The following FAM114A2 variants were observed in gnomAD, a reference collection of about 807,000 sequenced individuals.
The protein encoded by FAM114A2 is family with sequence similarity 114 member A2.
FAM114A2 carries 53 observed loss-of-function variants against 58.4 expected under a neutral mutation model. The observed-to-expected ratio is 0.91, with a 90% CI of 0.73 to 1.14. FAM114A2 has a LOEUF of 1.14. Among genes scored for constraint, FAM114A2 ranks in the 50% most tolerant of loss-of-function variants. FAM114A2 has a pLI of 0.00. For missense variants in FAM114A2, 601 were observed against 581.1 expected (o/e 1.03, Z -0.35); for synonymous variants, 228 against 211.4 (o/e 1.08, Z -0.68).
chr5:153,993,071 G>A lies in FAM114A2; in HGVS notation c.1423C>T (p.Leu475=), dbSNP rs761576819. Residue 475 remains leucine (L), a synonymous_variant, in exon 14 of 14, where the codon CTA becomes TTA. Transcript: ENST00000351797. ...SASYIQDAFQ[L]LLPVLEISLI... is the part of the protein sequence containing the mutation. ...GAGATCTCTAGCACAGGTAAGAGTA[G>A]CTGAAAGGCGTCCTGGATGTAGGAG... 14 of 1,612,500 alleles carry A rather than the reference G, an allele frequency of 8.7e-6. No individual in the cohort carries two copies. Among genetic ancestry groups the A allele is most frequent in the Middle Eastern group, 3.3e-4 (2 of 6,078 alleles).
At chr5:154,020,993 T>A (rs1423526131) in intron 8 of FAM114A2, among the ~76,000 whole-genome samples, 1 of 151,954 alleles carries the variant, frequency 6.6e-6, no homozygotes, top group Non-Finnish European at 1.5e-5. Flanking sequence ...TGGTTCAACA[T>A]ATGCAAATCA....
intron 8 of FAM114A2, among the ~76,000 whole-genome samples, chr5:154,022,732 T>A (rs879602832): frequency 2.1e-4 from 32 of 152,192 alleles, no homozygotes; most frequent in Non-Finnish European, 4.3e-4. Flanking sequence ...GTGTGGTGAT[T>A]CCTCAAGGAT....
intron 1 of FAM114A2, chr5:154,038,149 C>G (rs1400979736): frequency 2.6e-5 from 4 of 152,114 alleles, no homozygotes; most frequent in African/African-American, 9.7e-5. Context: ...AGTTTCTCCT[C>G]CAGTTATTTT....
In FAM114A2 at chr5:154,011,317, T is replaced by A; in HGVS notation, c.917A>T (p.Asp306Val). ...CEEEEEEKKG[D>V]EDFTKDITEL... ...TGTTATGTCCTTGGTAAAATCTTCA[T>A]CCCCTAAAAAACCAAGTCCCATATA... Residue 306 changes from aspartate to valine, a missense_variant, in exon 9 of 14, where the codon GAT (aspartate) becomes GTT (valine). Physicochemically the swap from Asp to Val is radical, Grantham distance 152 (BLOSUM62 -3). Coordinates refer to ENST00000351797, the MANE Select transcript of FAM114A2 (RefSeq NM_018691.4). The A allele has an allele frequency of 3.1e-6, 5 of 1,610,878 alleles. No homozygotes were observed. The highest frequency in any genetic ancestry group is 4.2e-6 in the Non-Finnish European group (5 of 1,178,220).
intron 8 of FAM114A2, 78 bp downstream of exon 8, chr5:154,026,321 A>G: frequency 9.0e-7 from 1 of 1,105,144 alleles, no homozygotes; most frequent in Non-Finnish European, 1.2e-6. Context: ...ATAAGAGTAA[A>G]TAATTTATTT....
intron 3 of FAM114A2, 87 bp downstream of exon 3, chr5:154,034,191 A>T (rs773919717): frequency 9.6e-6 from 8 of 830,072 alleles, no homozygotes; most frequent in African/African-American, 3.4e-5. Context: ...CATGGAAGGA[A>T]GAAGAATTTT....
intron 8 of FAM114A2, among the ~76,000 whole-genome samples, chr5:154,017,835 G>A (rs910696308): frequency 1.3e-5 from 2 of 152,164 alleles, no homozygotes; most frequent in African/African-American, 4.8e-5. Context: ...ATGATTCTGG[G>A]TCAAAATGAA....
chr5:153,992,436 ACTTT>A lies in FAM114A2; in HGVS notation c.*536_*539del, dbSNP rs1769296937. On this transcript the variant is annotated 3_prime_UTR_variant, in exon 14 of 14. Coordinates refer to ENST00000351797, the MANE Select transcript of FAM114A2 (RefSeq NM_018691.4). ...CTAAGAATTTAAAAAAGCAGATGAA[ACTTT>A]CTATTTCCAAGAATTCATGTGATAA... 1 of 152,206 alleles carries A rather than the reference ACTTT, an allele frequency of 6.6e-6. No homozygotes were observed. The highest frequency in any genetic ancestry group is 6.5e-5 in the Admixed American group (1 of 15,274). 9.4% of individuals were successfully genotyped at this position (152,206 alleles called of 1,614,324 possible).
intron 8 of FAM114A2, among the ~76,000 whole-genome samples, chr5:154,014,855 A>C (rs538672250): frequency 6.6e-6 from 1 of 152,302 alleles, no homozygotes; most frequent in African/African-American, 2.4e-5. Flanking sequence ...CAGGCAGGGG[A>C]AAAATGAAAG....
chr5:154,011,411 T>A, intron 8 of FAM114A2, 91 bp from the exon 9 acceptor site: 2 of 778,166 alleles, frequency 2.6e-6, no homozygotes, highest in Non-Finnish European at 4.5e-6. Context: ...GGAGTGGTAA[T>A]AGCAGTGACA....
intron 8 of FAM114A2, among the ~76,000 whole-genome samples, chr5:154,016,544 C>T (rs1185577748): frequency 6.6e-6 from 1 of 152,098 alleles, no homozygotes; most frequent in East Asian, 1.9e-4. Context: ...AAGATACAGT[C>T]TTTTTCAAAC....
intron 8 of FAM114A2, among the ~76,000 whole-genome samples, chr5:154,011,856 G>A (rs766515078): frequency 1.2e-4 from 18 of 152,178 alleles, no homozygotes; most frequent in Non-Finnish European, 1.6e-4. Context: ...GAAAGTATGG[G>A]AAGAAGTTTA....
At position 154,030,380 on chromosome 5, in the gene FAM114A2, T is replaced by C. The variant is rs575521324; in HGVS notation, c.404-800A>G. ...ATATTATAGAGAGGACTTCCACTTC[T>C]AGCATGATGGATTAACTGGTATTAG... On this transcript the variant is annotated intron_variant, in intron 4 of 13. Coordinates refer to ENST00000351797, the MANE Select transcript of FAM114A2 (RefSeq NM_018691.4). Among the ~76,000 whole-genome samples, 4 of 152,350 alleles carry C rather than the reference T, an allele frequency of 2.6e-5. No homozygotes were observed. In the South Asian group the frequency reaches 8.3e-4, roughly 32 times the overall value.
chr5:154,007,054 CA>C lies in FAM114A2; in HGVS notation c.994-4086del, dbSNP rs1770400479. ...TCATGATCTACCCACCTTGGCCTCC[CA>C]AAGTGCTGGGATTACAGGCGTGAGC... On this transcript the variant is annotated intron_variant, in intron 9 of 13. Coordinates refer to ENST00000351797, the MANE Select transcript of FAM114A2 (RefSeq NM_018691.4). Among the ~76,000 whole-genome samples, 6 of 152,224 alleles carry C rather than the reference CA, an allele frequency of 3.9e-5. No individual in the cohort carries two copies. The South Asian group carries it at 1.2e-3, about 32-fold the overall frequency.
At chr5:154,020,939 T>G (rs1207519358) in intron 8 of FAM114A2, among the ~76,000 whole-genome samples, 1 of 151,994 alleles carries the variant, frequency 6.6e-6, no homozygotes, top group African/African-American at 2.4e-5. Flanking sequence ...ACCAAAAAGC[T>G]TATCCACCAA....
intron 4 of FAM114A2, among the ~76,000 whole-genome samples, chr5:154,030,556 G>A (rs1772119709): frequency 6.6e-6 from 1 of 152,214 alleles, no homozygotes; most frequent in Non-Finnish European, 1.5e-5. Flanking sequence ...TCTGTATAGA[G>A]GAGCTTTCCA....
intron 3 of FAM114A2, among the ~76,000 whole-genome samples, 193 bp downstream of exon 3, chr5:154,034,085 C>T (rs930804755): frequency 3.3e-5 from 5 of 152,084 alleles, no homozygotes; most frequent in African/African-American, 1.2e-4. Context: ...TCCTAGACTT[C>T]AATATTCTAA....
intron 9 of FAM114A2, among the ~76,000 whole-genome samples, chr5:154,010,044 G>A (rs12651907): frequency 0.61 from 93,392 of 152,066 alleles, 29,216 homozygotes; most frequent in East Asian, 0.88. Context: ...CTGTGGTTAT[G>A]TAAGGGAATA....
At chr5:154,004,539 A>G (rs568637319) in intron 9 of FAM114A2, among the ~76,000 whole-genome samples, 8 of 149,218 alleles carry the variant, frequency 5.4e-5, no homozygotes, top group African/African-American at 7.5e-5. Context: ...ACAAATAAAA[A>G]CTTTGAACTC....
Sources: allele counts gnomAD v4.1 joint callset (sites outside exome capture counted in the v4.1 genomes callset), GRCh38; gene constraint gnomAD v4.1.1; transcripts MANE v1.5; gene names NCBI Gene and HGNC (gene_info 2026-07-23, HGNC 2026-07-21).